SLC30A8: variants seen among roughly 807,000 people sequenced by gnomAD.
SLC30A8 encodes proton-coupled zinc antiporter SLC30A8.
SLC30A8 carries 27 observed loss-of-function variants against 36.9 expected under a neutral mutation model. The observed-to-expected ratio is 0.73, with a 90% CI of 0.54 to 1.01. The LOEUF (loss-of-function observed/expected upper bound fraction) is 1.01. SLC30A8 is among the 50% of genes least tolerant of loss of function. SLC30A8 has a pLI of 0.00. For missense variants in SLC30A8, 439 were observed against 452.0 expected, an observed-to-expected ratio of 0.97 and a Z score of 0.26; for synonymous variants, 164 against 172.4, an observed-to-expected ratio of 0.95 and a Z score of 0.38.
At chr8:117,019,427 C>T (rs1816632971) in intron 1 of SLC30A8, among the ~76,000 whole-genome samples, 1 of 152,214 alleles carries the variant, frequency 6.6e-6, no homozygotes, top group Non-Finnish European at 1.5e-5. Flanking sequence ...AAATTTCACA[C>T]ATTGATTCTA....
At chr8:117,100,655 T>C (rs1189429861) in intron 2 of SLC30A8, among the ~76,000 whole-genome samples, 2 of 152,200 alleles carry the variant, frequency 1.3e-5, no homozygotes, top group Non-Finnish European at 2.9e-5. Flanking sequence ...TCTGCTCTTA[T>C]AATTGTTAAG....
Position 117,041,322 on chromosome 8 carries a change from C to T in SLC30A8, c.-226+2064C>T, listed in dbSNP as rs984310150. ...GCAGAAAGGAATTCCTAAACACTTT[C>T]CGAGTTTCATCACCTTGGCAGGTTG... On this transcript the variant is annotated intron_variant, in intron 2 of 10. Coordinates refer to the SLC30A8 transcript ENST00000427715. Among the ~76,000 whole-genome samples, 19 of 152,304 alleles carry T rather than the reference C, an allele frequency of 1.2e-4. No homozygotes were observed. In the East Asian group the frequency reaches 3.1e-3, roughly 25 times the overall value.
chr8:116,977,141 C>CTTTTCTTT (rs1815063293), intron 1 of SLC30A8, among the ~76,000 whole-genome samples: 2 of 59,094 alleles, frequency 3.4e-5, no homozygotes, highest in Non-Finnish European at 5.6e-5. Context: ...CTTTTTCTTG[C>CTTTTCTTT]TTTTTTTTTT....
intron 2 of SLC30A8, among the ~76,000 whole-genome samples, chr8:117,087,261 T>A (rs1383414346): frequency 6.6e-6 from 1 of 152,180 alleles, no homozygotes; most frequent in Admixed American, 6.5e-5. Context: ...AACCATTTCA[T>A]AGAGAGCCAG....
rs146664017 is a variant in SLC30A8 at position 117,049,224 on chromosome 8, G to A, written c.-226+9966G>A. 4.7e-3 allele frequency among the ~76,000 whole-genome samples: 721 copies of A among 152,244 alleles called. 6 individuals carry two copies. The highest frequency in any genetic ancestry group is 0.016 in the African/African-American group (685 of 41,540). On this transcript the variant is annotated intron_variant, in intron 2 of 10. Transcript: ENST00000427715. ...TTTTTATTCTGTCTACCCTGCATTGGCCTTTAATGGTGTTCTAGTTATCCT... is the reference window on the plus strand; with the variant it reads ...TTTTTATTCTGTCTACCCTGCATTGACCTTTAATGGTGTTCTAGTTATCCT...
At chr8:116,970,174 T>TA (rs1279403794) in intron 1 of SLC30A8, among the ~76,000 whole-genome samples, 1 of 152,160 alleles carries the variant, frequency 6.6e-6, no homozygotes, top group Non-Finnish European at 1.5e-5. Flanking sequence ...TGATTTCTGT[T>TA]AAAAAACCAA....
intron 2 of SLC30A8, among the ~76,000 whole-genome samples, chr8:117,087,090 G>A (rs2130821468): frequency 6.6e-6 from 1 of 152,228 alleles, no homozygotes; most frequent in African/African-American, 2.4e-5. Context: ...AGAAAATCTG[G>A]GGTTATAATG....
chr8:117,054,319 T>C (rs563167830), intron 2 of SLC30A8, among the ~76,000 whole-genome samples: 2 of 152,242 alleles, frequency 1.3e-5, no homozygotes, highest in African/African-American at 4.8e-5. Context: ...TGGGGTAATT[T>C]TGGACTGCTG....
chr8:117,118,896 G>A (rs189966924), intron 2 of SLC30A8, among the ~76,000 whole-genome samples: 160 of 152,040 alleles, frequency 1.1e-3, no homozygotes, highest in African/African-American at 1.6e-3. Context: ...AGAAAATAGT[G>A]TAAACAATTC....
At chr8:117,062,856 T>C (rs1398437846) in intron 2 of SLC30A8, among the ~76,000 whole-genome samples, 2 of 152,212 alleles carry the variant, frequency 1.3e-5, no homozygotes, top group East Asian at 3.8e-4. Flanking sequence ...TACCCATAGT[T>C]TTCGTCCACA....
intron 1 of SLC30A8, among the ~76,000 whole-genome samples, chr8:116,966,334 G>T (rs1027029344): frequency 2.6e-5 from 4 of 152,108 alleles, no homozygotes; most frequent in African/African-American, 9.7e-5. Flanking sequence ...TCAATGGCTA[G>T]TTACTTGGCA....
chr8:117,012,593 C>T (rs1466509164), intron 1 of SLC30A8, among the ~76,000 whole-genome samples: 1 of 151,562 alleles, frequency 6.6e-6, no homozygotes, highest in African/African-American at 2.4e-5. Flanking sequence ...AAATACTATG[C>T]CATTTTATAT....
At position 116,979,828 on chromosome 8, in the gene SLC30A8, G is replaced by A. The variant is rs112840456; in HGVS notation, c.-266+28709G>A. ...CCTGGACCTTTTTACCCAGGAGCTT[G>A]ATTGCTGGGACCATGCCAACAAATA... On this transcript the variant is annotated intron_variant, in intron 1 of 10. Transcript: ENST00000427715. 5.3e-3 allele frequency among the ~76,000 whole-genome samples: 806 copies of A among 152,294 alleles called. 8 individuals carry two copies. The highest frequency in any genetic ancestry group is 0.018 in the African/African-American group (761 of 41,558).
chr8:116,999,787 GTAAGT>G (rs1815945851), intron 1 of SLC30A8, among the ~76,000 whole-genome samples: 1 of 151,850 alleles, frequency 6.6e-6, no homozygotes, highest in African/African-American at 2.4e-5. Flanking sequence ...ATATGCAGAG[GTAAGT>G]TAAAGTTTCA....
intron 1 of SLC30A8, among the ~76,000 whole-genome samples, chr8:116,962,113 A>C (rs1814445645): frequency 6.6e-6 from 1 of 152,024 alleles, no homozygotes; most frequent in South Asian, 2.1e-4. Context: ...AAGATAATTT[A>C]ATCTATTTCT....
chr8:117,170,207 T>G (rs138822228), intron 6 of SLC30A8, among the ~76,000 whole-genome samples: 1 of 152,290 alleles, frequency 6.6e-6, no homozygotes, highest in East Asian at 1.9e-4. Flanking sequence ...AATACTAATG[T>G]GCATCCAAGG....
intron 2 of SLC30A8, among the ~76,000 whole-genome samples, chr8:117,123,714 G>T (rs998284649): frequency 6.6e-6 from 1 of 151,968 alleles, no homozygotes; most frequent in Non-Finnish European, 1.5e-5. Flanking sequence ...TGACAGAGTT[G>T]TACAATATCA....
chr8:117,044,390 AGT>A, intron 2 of SLC30A8, among the ~76,000 whole-genome samples: 1 of 152,300 alleles, frequency 6.6e-6, no homozygotes, highest in East Asian at 1.9e-4. Flanking sequence ...TGGAGAATCC[AGT>A]AACGAGGCCT....
At chr8:117,069,775 A>C (rs1235541757) in intron 2 of SLC30A8, among the ~76,000 whole-genome samples, 1 of 152,230 alleles carries the variant, frequency 6.6e-6, no homozygotes, top group East Asian at 1.9e-4. Context: ...GTCTCCCCAC[A>C]GTAGCAGTGT....
Sources: allele counts gnomAD v4.1 joint callset (sites outside exome capture counted in the v4.1 genomes callset), GRCh38; gene constraint gnomAD v4.1.1; transcripts MANE v1.5; gene names NCBI Gene and HGNC (gene_info 2026-07-23, HGNC 2026-07-21).